The following CELF2 variants were observed in gnomAD, a reference collection of about 807,000 sequenced individuals.
The protein encoded by CELF2 is CUGBP Elav-like family member 2.
In CELF2, 8 loss-of-function variants were observed where a neutral mutation model predicts 62.6. The observed-to-expected ratio is 0.13, with a 90% CI of 0.07 to 0.23. The LOEUF is 0.23. Among genes scored for constraint, CELF2 ranks in the 10% least tolerant of loss-of-function variants. CELF2 has a pLI of 1.00. For missense variants in CELF2, 333 were observed against 671.0 expected, an observed-to-expected ratio of 0.50 and a Z score of 5.56; for synonymous variants, 258 against 250.0, an observed-to-expected ratio of 1.03 and a Z score of -0.30.
At chr10:10,539,282 G>GC in the CELF2 span, among the ~76,000 whole-genome samples, 3 of 152,204 alleles carry the variant, frequency 2.0e-5, no homozygotes, top group Non-Finnish European at 4.4e-5. Context: ...GGATAATTTA[G>GC]GTCGGAGGAC....
the CELF2 span, among the ~76,000 whole-genome samples, chr10:10,483,900 A>C: frequency 1.5e-5 from 2 of 131,992 alleles, no homozygotes; most frequent in Admixed American, 7.5e-5. Context: ...TCTCTCTCTC[A>C]TCTCTCTGTG....
chr10:11,291,349 T>C (rs2092500498), intron 9 of CELF2, among the ~76,000 whole-genome samples: 1 of 152,226 alleles, frequency 6.6e-6, no homozygotes, highest in Admixed American at 6.5e-5. Flanking sequence ...TTATAAATGA[T>C]TTTAAACAGT....
At position 11,008,734 on chromosome 10, in the gene CELF2, T is replaced by G. The variant is rs2055792669; in HGVS notation, c.53+3294T>G. ...CATTCTGTATTTAAGGTGTCAGAATTCATAGACGAAAAGCATACCTTGGTT... is the reference window on the plus strand; with the variant it reads ...CATTCTGTATTTAAGGTGTCAGAATGCATAGACGAAAAGCATACCTTGGTT... On this transcript the variant is annotated intron_variant, in intron 1 of 12. Coordinates refer to the CELF2 transcript ENST00000416382. This position sits in a 1 kb window ranked among gnomAD's most constrained non-coding sequence, Gnocchi z 4.5. Among the ~76,000 whole-genome samples the G allele has an allele frequency of 6.6e-6, 1 of 152,188 alleles. No individual in the cohort carries two copies. The highest frequency in any genetic ancestry group is 6.5e-5 in the Admixed American group (1 of 15,284).
At chr10:10,992,967 G>A (rs1469506265) in intron 2 of CELF2, among the ~76,000 whole-genome samples, 1 of 152,134 alleles carries the variant, frequency 6.6e-6, no homozygotes, top group Admixed American at 6.5e-5. Flanking sequence ...ACTTGAGGAT[G>A]TGCTGAAACA....
At chr10:10,731,354 G>C in the CELF2 span, among the ~76,000 whole-genome samples, 1 of 152,116 alleles carries the variant, frequency 6.6e-6, no homozygotes, top group South Asian at 2.1e-4. Context: ...GATTACCATG[G>C]TCATTCAGGT....
At chr10:10,971,618 G>A (rs766984581) in intron 2 of CELF2, among the ~76,000 whole-genome samples, 2 of 152,136 alleles carry the variant, frequency 1.3e-5, no homozygotes, top group South Asian at 2.1e-4. Flanking sequence ...ACAGAGTTTC[G>A]CTCTGTCGCC....
At chr10:10,742,449 C>A in the CELF2 span, among the ~76,000 whole-genome samples, 1 of 151,988 alleles carries the variant, frequency 6.6e-6, no homozygotes, top group Non-Finnish European at 1.5e-5. Flanking sequence ...AGCAACATGG[C>A]AAAACCCTGT....
At chr10:10,623,468 A>G in the CELF2 span, among the ~76,000 whole-genome samples, 1 of 152,346 alleles carries the variant, frequency 6.6e-6, no homozygotes, top group East Asian at 1.9e-4. Flanking sequence ...CAGTATTTGA[A>G]TGGCATGAAG....
rs922641737 is a variant in CELF2, at chr10:11,305,094, T to C, written c.977-9045T>C. Reference sequence around the variant, plus strand: ...CCAGCCCTGGCCCAGTGGATACAGGTCCTTCCCAGTTCTACCAGTCTGATA... The same window carrying C: ...CCAGCCCTGGCCCAGTGGATACAGGCCCTTCCCAGTTCTACCAGTCTGATA... On this transcript the variant is annotated intron_variant, in intron 9 of 12. Coordinates refer to ENST00000633077, the MANE Select transcript of CELF2 (RefSeq NM_001326342.2). The surrounding 1 kb of genome is among the most constrained non-coding windows in gnomAD (Gnocchi z 4.8). 6.6e-6 allele frequency among the ~76,000 whole-genome samples: 1 copy of C among 152,116 alleles called. No homozygotes were observed. The highest frequency in any genetic ancestry group is 1.5e-5 in the Non-Finnish European group (1 of 68,012).
At chr10:11,036,918 T>A (rs991901892) in intron 1 of CELF2, among the ~76,000 whole-genome samples, 1 of 152,200 alleles carries the variant, frequency 6.6e-6, no homozygotes, top group African/African-American at 2.4e-5. Flanking sequence ...TTTCTGATTA[T>A]CCTTCATTAC....
chr10:10,968,407 G>T (rs566782258), intron 2 of CELF2, among the ~76,000 whole-genome samples: 2 of 152,084 alleles, frequency 1.3e-5, no homozygotes, highest in Admixed American at 1.3e-4. Context: ...TTAAATATGC[G>T]TATATCATGC....
At chr10:10,679,092 T>C in the CELF2 span, among the ~76,000 whole-genome samples, 2 of 152,164 alleles carry the variant, frequency 1.3e-5, no homozygotes, top group Non-Finnish European at 2.9e-5. Flanking sequence ...CCCCCTACTT[T>C]AGCATATTGT....
chr10:10,980,543 C>G (rs1359088814), intron 2 of CELF2, among the ~76,000 whole-genome samples: 1 of 152,186 alleles, frequency 6.6e-6, no homozygotes, highest in Non-Finnish European at 1.5e-5. Flanking sequence ...TAAAAACCTC[C>G]TGTTTCTTAC....
At chr10:11,241,665 C>T (rs2073942072) in intron 3 of CELF2, among the ~76,000 whole-genome samples, 1 of 151,962 alleles carries the variant, frequency 6.6e-6, no homozygotes, top group South Asian at 2.1e-4. Flanking sequence ...CCTAAGTCAC[C>T]ATCCCTAAAG....
chr10:10,538,425 C>T, the CELF2 span, among the ~76,000 whole-genome samples: 3 of 152,272 alleles, frequency 2.0e-5, no homozygotes, highest in African/African-American at 2.4e-5. Flanking sequence ...ACACAGTGCA[C>T]CTGCTGACCA....
At chr10:10,945,222 A>T (rs2135553428) in intron 2 of CELF2, among the ~76,000 whole-genome samples, 1 of 152,258 alleles carries the variant, frequency 6.6e-6, no homozygotes, top group Non-Finnish European at 1.5e-5. Flanking sequence ...CAGGGGGACA[A>T]GGTTGTTTGG....
the CELF2 span, among the ~76,000 whole-genome samples, chr10:10,627,896 C>A: frequency 1.1e-3 from 162 of 152,172 alleles, no homozygotes; most frequent in Middle Eastern, 3.4e-3. Context: ...ATGCCTAATT[C>A]TTTATAATTA....
chr10:10,925,266 A>T (rs534106701), intron 2 of CELF2: 1 of 152,098 alleles, frequency 6.6e-6, no homozygotes, highest in Non-Finnish European at 1.5e-5. Flanking sequence ...CGATGGATGG[A>T]CACTTCCTGT....
At position 11,194,056 on chromosome 10, in the gene CELF2, T is replaced by A. The variant is rs149379015; in HGVS notation, c.272-23369T>A. Among the ~76,000 whole-genome samples the A allele has an allele frequency of 1.4e-3, 210 of 152,246 alleles. 2 individuals carry two copies. In the East Asian group the frequency reaches 0.022, roughly 16 times the overall value. ...AATTTTTCACAGTATTTTTACTTTT[T>A]AAAAATTTTTTATTTTATATATATT... is the stretch of plus-strand genomic sequence containing the variant. On this transcript the variant is annotated intron_variant, in intron 2 of 12. Transcript: ENST00000633077.
Sources: gnomAD v4.1 joint callset for allele counts (sites outside exome capture counted in the v4.1 genomes callset) on GRCh38, gnomAD v4.1.1 for gene constraint, Gnocchi (gnomAD v3.1) non-coding constraint, MANE v1.5 for transcripts, NCBI Gene and HGNC (gene_info 2026-07-23, HGNC 2026-07-21) for gene names.